SLC2A11: variants seen among roughly 807,000 people sequenced by gnomAD.
SLC2A11 encodes the protein solute carrier family 2, facilitated glucose transporter member 11.
Under a neutral mutation model 52.1 loss-of-function variants are expected in SLC2A11, and 43 were observed. The observed-to-expected ratio is 0.82, with a 90% CI of 0.65 to 1.06. The LOEUF (loss-of-function observed/expected upper bound fraction) is 1.06. Ranked by LOEUF, SLC2A11 falls within the 50% of genes least tolerant of loss-of-function variation. The pLI is 0.00. For missense variants in SLC2A11, 582 were observed against 654.2 expected (o/e 0.89, Z 1.20); for synonymous variants, 261 against 277.6 (o/e 0.94, Z 0.59).
At chr22:23,877,594 C>T in intron 5 of SLC2A11, 127 bp from the exon 6 acceptor site, 1 of 1,258,056 alleles carries the variant, frequency 7.9e-7, no homozygotes, top group Middle Eastern at 2.5e-4. Flanking sequence ...CAGACCCAGA[C>T]TTGGATAGGA....
chr22:23,877,823 G>A lies in SLC2A11; in HGVS notation c.648G>A (p.Pro216=), dbSNP rs138511811. 3.9e-5 allele frequency: 63 copies of A among 1,613,422 alleles called. No individual in the cohort carries two copies. In the African/African-American group the frequency reaches 4.7e-4, roughly 12 times the overall value. ...LASLPLLPES[P]RYLLIDCGDT... ...CCCTGCCTCTGCTCCCTGAAAGCCC[G>A]CGCTACCTCCTCATTGACTGTGGAG... The change falls in exon 6 of 12, where the codon CCG becomes CCA. Residue 216 remains proline (P), a synonymous_variant. Transcript: ENST00000316185.
At position 23,868,630 on chromosome 22, in the gene SLC2A11, C is replaced by G; in HGVS notation, c.279C>G (p.Ile93Met). The G allele has an allele frequency of 6.2e-7, 1 of 1,614,088 alleles. No homozygotes were observed. The change falls in exon 3 of 12, where the codon ATC becomes ATG. Residue 93 changes from isoleucine (I) to methionine (M), a missense_variant. Physicochemically the swap from Ile to Met is conservative, Grantham distance 10. Transcript: ENST00000316185. ...FGALLAGPLA[I>M]TLGRKKSLLV... The stretch of plus-strand genomic sequence containing the variant: ...CACTGCTTGCAGGTCCCTTGGCCAT[C>G]ACGCTGGGAAGGTAAGTGCTTCCTG...
intron 3 of SLC2A11, among the ~76,000 whole-genome samples, chr22:23,874,555 G>A (rs969518021): frequency 2.0e-5 from 3 of 151,768 alleles, no homozygotes; most frequent in African/African-American, 7.3e-5. Context: ...GGGTTCAAGC[G>A]ACTCTCCTGC....
chr22:23,857,398 CA>C, upstream of SLC2A11: 1 of 1,588,190 alleles, frequency 6.3e-7, no homozygotes. Context: ...GACCTTGGAC[CA>C]GAGCTCCCTT....
upstream of SLC2A11, chr22:23,857,829 C>A (rs1035566914): frequency 2.0e-6 from 3 of 1,479,254 alleles, no homozygotes; most frequent in African/African-American, 2.8e-5. Flanking sequence ...AGCTTCGTCT[C>A]GACGGGTTTG....
At chr22:23,863,431 T>C (rs1416793952) in intron 2 of SLC2A11, among the ~76,000 whole-genome samples, 2 of 152,144 alleles carry the variant, frequency 1.3e-5, no homozygotes, top group Non-Finnish European at 2.9e-5. Context: ...GATAGGTCTT[T>C]CAGCCCCAGT....
At position 23,868,897 on chromosome 22, in the gene SLC2A11, A is replaced by G. The variant is rs144603195; in HGVS notation, c.290+256A>G. On this transcript the variant is annotated intron_variant, in intron 3 of 11. Coordinates refer to ENST00000316185, the MANE Select transcript of SLC2A11 (RefSeq NM_001024939.4). ...CATGTCTGCCAACAAGTGCTAACTG[A>G]CCTTAAACAAGTTATTTTCTTCCTG... 177 of 460,116 alleles carry G rather than the reference A, an allele frequency of 3.8e-4. 2 individuals are homozygous for G. The highest frequency in any genetic ancestry group is 1.1e-3 in the Middle Eastern group (2 of 1,764). The allele number at this position is 460,116 out of a possible 1,614,324, so 28.5% of individuals were successfully genotyped here.
rs946649680 is a variant in SLC2A11, at chr22:23,862,301, C to T, written c.129+99C>T. 9.2e-6 allele frequency: 10 copies of T among 1,084,342 alleles called. 1 individual carries two copies. The Middle Eastern group carries it at 8.4e-4, about 91-fold the overall frequency. 67.2% of individuals were successfully genotyped at this position (1,084,342 alleles called of 1,614,324 possible). On this transcript the variant is annotated intron_variant, in intron 2 of 11. Transcript: ENST00000316185. The stretch of plus-strand genomic sequence containing the variant: ...TCAGCCAGGCATCCACTAGGTGGCA[C>T]TTTCTGCCACAAGTTTGTCTCCATT...
At chr22:23,868,663 C>G (rs746569801) in intron 3 of SLC2A11, 22 bp downstream of exon 3, 22 of 1,613,018 alleles carry the variant, frequency 1.4e-5, no homozygotes, top group East Asian at 2.2e-5. Context: ...CTGCATACCC[C>G]CTGAATGCCC....
intron 6 of SLC2A11, 95 bp downstream of exon 6, chr22:23,877,964 A>G (rs2032679269): frequency 2.2e-6 from 3 of 1,388,862 alleles, no homozygotes; most frequent in South Asian, 1.5e-5. Flanking sequence ...TTCATTTATC[A>G]AGGAAAAGCT....
chr22:23,884,872 A>G lies in SLC2A11; in HGVS notation c.*23A>G. On this transcript the variant is annotated 3_prime_UTR_variant, in exon 12 of 12. Coordinates refer to ENST00000316185, the MANE Select transcript of SLC2A11 (RefSeq NM_001024939.4). This position sits in a 1 kb window ranked among gnomAD's most constrained non-coding sequence, Gnocchi z 4.3. ...TAGTCCCAAAGGGGTGGCCAGAGCC[A>G]AAGCCAGCTACTGTCCTGTCCTCTG... is the stretch of plus-strand genomic sequence containing the variant. The G allele has an allele frequency of 6.2e-7, 1 of 1,607,202 alleles. No individual in the cohort carries two copies.
chr22:23,877,780 G>T lies in SLC2A11; in HGVS notation c.605G>T (p.Gly202Val). Residue 202 changes from glycine to valine, a missense_variant, in exon 6 of 12, where the codon GGG becomes GTG. Physicochemically the swap from Gly to Val is moderately radical, Grantham distance 109. Coordinates refer to ENST00000316185, the MANE Select transcript of SLC2A11 (RefSeq NM_001024939.4). ...PLLLASCLVP[G>V]ALQLASLPLL... is the part of the protein sequence containing the mutation. The stretch of plus-strand genomic sequence containing the variant: ...CTGCTGGCCAGCTGCCTGGTGCCCG[G>T]GGCGCTCCAGCTCGCCTCCCTGCCT... 1.2e-6 allele frequency: 2 copies of T among 1,608,792 alleles called. No individual in the cohort carries two copies.
chr22:23,857,015 C>T (rs1264349600), upstream of SLC2A11: 8 of 1,595,524 alleles, frequency 5.0e-6, no homozygotes, highest in Non-Finnish European at 6.8e-6. Context: ...TCGGTCTTTC[C>T]TAATTTTCCC....
intron 8 of SLC2A11, chr22:23,883,377 G>A (rs926712902): frequency 1.6e-5 from 5 of 319,292 alleles, no homozygotes; most frequent in African/African-American, 1.1e-4. Flanking sequence ...AGGCTGAGGT[G>A]GGAGGATCAC....
At chr22:23,883,423 A>G (rs1309212737) in intron 8 of SLC2A11, 1 of 361,216 alleles carries the variant, frequency 2.8e-6, no homozygotes, top group Non-Finnish European at 5.0e-6. Context: ...GTAAACCGAG[A>G]TTGTGCCACT....
chr22:23,877,990 C>T (rs1166049911), intron 6 of SLC2A11, 121 bp downstream of exon 6: 3 of 1,245,064 alleles, frequency 2.4e-6, no homozygotes, highest in Non-Finnish European at 3.3e-6. Context: ...TCTCTTTGTG[C>T]CTCAATTTCA....
intron 2 of SLC2A11, among the ~76,000 whole-genome samples, chr22:23,863,620 T>TTTTTC (rs2032156056): frequency 7.1e-6 from 1 of 141,166 alleles, no homozygotes; most frequent in African/African-American, 2.7e-5. Flanking sequence ...TTTTTTTTTT[T>TTTTTC]TTTTTTTTTT....
At chr22:23,867,687 G>C (rs771235891) in intron 2 of SLC2A11, 2 of 470,524 alleles carry the variant, frequency 4.3e-6, no homozygotes, top group South Asian at 3.1e-5. Flanking sequence ...CTCTAGGAAA[G>C]GGAGAGGAGC....
intron 5 of SLC2A11, 184 bp downstream of exon 5, chr22:23,877,355 A>G (rs770151638): frequency 6.0e-6 from 6 of 999,262 alleles, no homozygotes; most frequent in African/African-American, 3.2e-5. Flanking sequence ...ACACACTGCA[A>G]TGTGAATCAC....
Sources: gnomAD v4.1 joint callset for allele counts (sites outside exome capture counted in the v4.1 genomes callset) on GRCh38, gnomAD v4.1.1 for gene constraint, Gnocchi (gnomAD v3.1) non-coding constraint, MANE v1.5 for transcripts, NCBI Gene and HGNC (gene_info 2026-07-23, HGNC 2026-07-21) for gene names.